Variants in DDX60 observed in about 807,000 individuals in gnomAD.
DDX60 encodes probable ATP-dependent RNA helicase DDX60.
DDX60 carries 165 observed loss-of-function variants against 212.8 expected under a neutral mutation model. That is an observed-to-expected ratio of 0.78 (90% CI 0.68 to 0.88). The LOEUF is 0.88. DDX60 is among the 40% of genes least tolerant of loss of function. The probability of loss-of-function intolerance (pLI) is 0.00; values close to 1 mark genes in which losing one functional copy is unlikely to be tolerated. For missense variants in DDX60, 1,905 were observed against 2,003.9 expected, an observed-to-expected ratio of 0.95 and a Z score of 0.94; for synonymous variants, 703 against 685.3, an observed-to-expected ratio of 1.03 and a Z score of -0.40.
chr4:168,297,297 CGAAAGAAAGAAAGAAA>C (rs70961508), intron 6 of DDX60, among the ~76,000 whole-genome samples: 5,939 of 67,284 alleles, frequency 0.088, 274 homozygotes, highest in East Asian at 0.11. Flanking sequence ...GAGAGAGAGA[CGAAAGAAAGAAAGAAA>C]GAAAGAAAGA....
At position 168,280,538 on chromosome 4, in the gene DDX60, CTGGCAAA is replaced by C; in HGVS notation, c.1768_1774del (p.Phe590GlyfsTer21). 6.2e-7 allele frequency: 1 copy of C among 1,614,002 alleles called. No individual in the cohort carries two copies. The highest frequency in any genetic ancestry group is 8.5e-7 in the Non-Finnish European group (1 of 1,179,990). On this transcript the variant is annotated frameshift_variant, in exon 14 of 38. Coordinates refer to ENST00000393743, the MANE Select transcript of DDX60 (RefSeq NM_017631.6). LOFTEE classifies it high-confidence loss of function. ...CTTTTGCTCTTCCTTTTGTTCTTCC[CTGGCAAA>C]TAACCTTTTCTTATTCTCTCTAGCA...
chr4:168,269,527 G>C (rs1735001312), intron 19 of DDX60, among the ~76,000 whole-genome samples: 1 of 152,014 alleles, frequency 6.6e-6, no homozygotes, highest in African/African-American at 2.4e-5. Context: ...CGTGAACCCG[G>C]AAGGCAGAGC....
chr4:168,279,548 A>T (rs547976180), intron 14 of DDX60, among the ~76,000 whole-genome samples: 8 of 152,366 alleles, frequency 5.3e-5, no homozygotes, highest in Admixed American at 4.6e-4. Flanking sequence ...GATGCAATGG[A>T]TTAATTAAAC....
chr4:168,319,518 G>T (rs1303691083), upstream of DDX60, among the ~76,000 whole-genome samples: 1 of 152,218 alleles, frequency 6.6e-6, no homozygotes, highest in Middle Eastern at 3.4e-3. Context: ...ACTGTAATTG[G>T]TACTTTCATG....
chr4:168,294,877 T>A (rs1736273106), intron 6 of DDX60, among the ~76,000 whole-genome samples: 1 of 151,830 alleles, frequency 6.6e-6, no homozygotes, highest in South Asian at 2.1e-4. Context: ...AAACAAATAA[T>A]CCCATTTAAA....
rs746413166 is a variant in DDX60, at chr4:168,283,588, C to T, written c.1580G>A (p.Arg527His). Residue 527 changes from arginine (R) to histidine (H), a missense_variant, in exon 13 of 38, where the codon CGT (arginine) becomes CAT (histidine). By Grantham distance (29) the Arg-to-His change is conservative (BLOSUM62 0). Coordinates refer to ENST00000393743, the MANE Select transcript of DDX60 (RefSeq NM_017631.6). ...ATACTTTTGCACAGATCTAAGAACA[C>T]GAGGGTCTCTAGATTTTTCTGAAAA... is the stretch of plus-strand genomic sequence containing the variant. ...CQFDEKSRDP[R>H]VLRSVQKYHV... The T allele has an allele frequency of 1.1e-5, 17 of 1,601,684 alleles. 2 individuals are homozygous for T. The South Asian group carries it at 1.2e-4, about 12-fold the overall frequency.
chr4:168,319,545 T>TA (rs904531388), upstream of DDX60, among the ~76,000 whole-genome samples: 4 of 152,216 alleles, frequency 2.6e-5, no homozygotes, highest in Non-Finnish European at 1.5e-5. Flanking sequence ...GAATCAACAT[T>TA]AAAAAATAAA....
rs1227371935 is a variant in DDX60, at chr4:168,255,742, C to T, written c.3526G>A (p.Val1176Ile). ...TTTTGTTTCTCTATGGATTTTTTAACTTTTCGAAGTTTGTTAGCCATGACA... is the reference window on the plus strand; with the variant it reads ...TTTTGTTTCTCTATGGATTTTTTAATTTTTCGAAGTTTGTTAGCCATGACA... ...AHVMANKLRK[V>I]KKSIEKQKII... Residue 1176 changes from valine (V) to isoleucine (I), a missense_variant, in exon 26 of 38, where the codon GTT becomes ATT. Val to Ile is a conservative substitution (Grantham distance 29). Transcript: ENST00000393743. 1 of 1,590,244 alleles carries T rather than the reference C, an allele frequency of 6.3e-7. No individual in the cohort carries two copies. Among genetic ancestry groups the T allele is most frequent in the Non-Finnish European group, 8.5e-7 (1 of 1,173,758 alleles).
intron 16 of DDX60, among the ~76,000 whole-genome samples, chr4:168,275,129 A>G (rs1735277057): frequency 6.6e-6 from 1 of 152,244 alleles, no homozygotes; most frequent in Non-Finnish European, 1.5e-5. Context: ...ATATGACTCC[A>G]TTAATGTACC....
intron 15 of DDX60, 109 bp from the exon 16 acceptor site, chr4:168,275,612 C>A: frequency 1.1e-6 from 1 of 946,104 alleles, no homozygotes; most frequent in Non-Finnish European, 1.5e-6. Context: ...CATTTTACCA[C>A]CTTTTAAATT....
Position 168,283,403 on chromosome 4 carries a change from A to G in DDX60, c.1722+43T>C, listed in dbSNP as rs562483808. On this transcript the variant is annotated intron_variant, in intron 13 of 37. Coordinates refer to ENST00000393743, the MANE Select transcript of DDX60 (RefSeq NM_017631.6). Reference sequence around the variant, plus strand: ...ATAACACATATCAACCTGATAAAAGAAAAGGAAAATTTTTTTAATTGGATA... The same window carrying G: ...ATAACACATATCAACCTGATAAAAGGAAAGGAAAATTTTTTTAATTGGATA... 6 of 1,589,050 alleles carry G rather than the reference A, an allele frequency of 3.8e-6. No homozygotes were observed. In the African/African-American group the frequency reaches 4.1e-5, roughly 11 times the overall value.
At chr4:168,256,863 T>C (rs372112800) in intron 25 of DDX60, among the ~76,000 whole-genome samples, 57 of 152,346 alleles carry the variant, frequency 3.7e-4, no homozygotes, top group African/African-American at 1.1e-3. Context: ...CAAAGGGCCT[T>C]TCTAAAGTTT....
intron 3 of DDX60, among the ~76,000 whole-genome samples, chr4:168,308,933 C>G (rs943743433): frequency 2.0e-5 from 3 of 151,930 alleles, no homozygotes; most frequent in Non-Finnish European, 4.4e-5. Flanking sequence ...CATTTACTGC[C>G]ATAAAATATA....
chr4:168,234,251 C>T (rs1733555129), intron 33 of DDX60, among the ~76,000 whole-genome samples: 1 of 152,024 alleles, frequency 6.6e-6, no homozygotes, highest in Non-Finnish European at 1.5e-5. Flanking sequence ...TATCTTTAAT[C>T]AGCTTTGGAA....
chr4:168,275,912 TAAAAA>T lies in DDX60; in HGVS notation c.2145+98_2145+102del. 17 of 928,598 alleles carry T rather than the reference TAAAAA, an allele frequency of 1.8e-5. No individual in the cohort carries two copies. In the Admixed American group the frequency reaches 2.1e-4, roughly 11 times the overall value. The allele number at this position is 928,598 out of a possible 1,614,324, so 57.5% of individuals were successfully genotyped here. A position where few individuals can be genotyped will look rare whatever the true frequency, so the allele number is the denominator to read the frequency against. ...TTACTACTAATAATAGTATTTTCAG[TAAAAA>T]AAAAAAAAAAATCTGGAAGAGATGA... On this transcript the variant is annotated intron_variant, in intron 15 of 37. Coordinates refer to ENST00000393743, the MANE Select transcript of DDX60 (RefSeq NM_017631.6).
upstream of DDX60, among the ~76,000 whole-genome samples, chr4:168,323,393 A>C (rs1737642490): frequency 6.6e-6 from 1 of 152,210 alleles, no homozygotes; most frequent in Non-Finnish European, 1.5e-5. Flanking sequence ...TAATCAATGC[A>C]TGCATGTAGC....
At chr4:168,244,321 T>A (rs1733950161) in intron 30 of DDX60, among the ~76,000 whole-genome samples, 1 of 147,628 alleles carries the variant, frequency 6.8e-6, no homozygotes, top group South Asian at 2.1e-4. Flanking sequence ...CCAAATGATA[T>A]GACTTCTTTG....
chr4:168,317,463 T>G (rs1737444613), intron 1 of DDX60, among the ~76,000 whole-genome samples: 3 of 141,978 alleles, frequency 2.1e-5, no homozygotes, highest in Admixed American at 7.0e-5. Context: ...AAAGGGGAGG[T>G]AAAGAGGAAA....
At chr4:168,242,124 G>A (rs1181095862) in intron 30 of DDX60, among the ~76,000 whole-genome samples, 1 of 152,220 alleles carries the variant, frequency 6.6e-6, no homozygotes, top group South Asian at 2.1e-4. Flanking sequence ...ACTGAGGTAT[G>A]GGAACCTCTG....
Sources: allele counts gnomAD v4.1 joint callset (sites outside exome capture counted in the v4.1 genomes callset), GRCh38; gene constraint gnomAD v4.1.1; transcripts MANE v1.5; gene names NCBI Gene and HGNC (gene_info 2026-07-23, HGNC 2026-07-21).